The following TNFRSF10A variants were observed in gnomAD, a reference collection of about 807,000 sequenced individuals.
The protein encoded by TNFRSF10A is TNF receptor superfamily member 10a.
Under a neutral mutation model 42.8 loss-of-function variants are expected in TNFRSF10A, and 44 were observed. The observed-to-expected ratio is 1.03, with a 90% CI of 0.81 to 1.32. The LOEUF is 1.32. Ranked by LOEUF, TNFRSF10A falls within the 40% of genes most tolerant of loss-of-function variation. The probability of loss-of-function intolerance (pLI) is 0.00; values close to 1 mark genes in which losing one functional copy is unlikely to be tolerated. For synonymous variants in TNFRSF10A, 259 were observed against 234.2 expected (o/e 1.11, Z -0.97); for missense variants, 680 against 602.0 (o/e 1.13, Z -1.36).
intron 8 of TNFRSF10A, among the ~76,000 whole-genome samples, chr8:23,198,197 A>G (rs1019848950): frequency 6.6e-6 from 1 of 152,120 alleles, no homozygotes; most frequent in East Asian, 1.9e-4. Flanking sequence ...GGTTGGAAAA[A>G]CCAGACAGTG....
chr8:23,197,098 A>G, intron 9 of TNFRSF10A, 34 bp downstream of exon 9: 2 of 1,613,860 alleles, frequency 1.2e-6, no homozygotes, highest in Non-Finnish European at 1.7e-6. Context: ...TATTCCCACC[A>G]TTTCTGCTGC....
At chr8:23,220,425 T>C (rs912272890) in intron 1 of TNFRSF10A, among the ~76,000 whole-genome samples, 1 of 152,232 alleles carries the variant, frequency 6.6e-6, no homozygotes, top group East Asian at 1.9e-4. Context: ...ACACTCAGGC[T>C]ATCAAAGAGC....
intron 7 of TNFRSF10A, 108 bp from the exon 8 acceptor site, chr8:23,199,556 C>G: frequency 7.4e-7 from 1 of 1,346,936 alleles, no homozygotes; most frequent in Non-Finnish European, 1.0e-6. Context: ...TGAGGTCACT[C>G]CAGGAAGTCC....
intron 2 of TNFRSF10A, among the ~76,000 whole-genome samples, chr8:23,208,952 G>A (rs1801056163): frequency 6.6e-6 from 1 of 152,224 alleles, no homozygotes; most frequent in East Asian, 1.9e-4. Context: ...AGGTCATCAT[G>A]GCAGCCCCTC....
rs1022384580 is a variant in TNFRSF10A at position 23,190,573 on chromosome 8, T to C, written c.*1121A>G. Reference sequence around the variant, plus strand: ...AAGTCCAAATTTCCAAAGGTATATGTACTTTAATTGTGACTTGAACTCAAG... The same window carrying C: ...AAGTCCAAATTTCCAAAGGTATATGCACTTTAATTGTGACTTGAACTCAAG... On this transcript the variant is annotated 3_prime_UTR_variant, in exon 10 of 10. Coordinates refer to ENST00000221132, the MANE Select transcript of TNFRSF10A (RefSeq NM_003844.4). 2 of 152,262 alleles carry C rather than the reference T, an allele frequency of 1.3e-5. No homozygotes were observed. The highest frequency in any genetic ancestry group is 2.9e-5 in the Non-Finnish European group (2 of 68,046). The allele number at this position is 152,262 out of a possible 1,614,324, so 9.4% of individuals were successfully genotyped here.
chr8:23,195,277 A>T (rs1800807096), intron 9 of TNFRSF10A, among the ~76,000 whole-genome samples: 1 of 152,180 alleles, frequency 6.6e-6, no homozygotes, highest in East Asian at 1.9e-4. Flanking sequence ...AATAATTCGT[A>T]TGGCTTTTGT....
Position 23,224,848 on chromosome 8 carries a change from G to A in TNFRSF10A, c.214C>T (p.Arg72Cys). The A allele has an allele frequency of 1.3e-6, 2 of 1,566,676 alleles. No homozygotes were observed. The highest frequency in any genetic ancestry group is 1.7e-6 in the Non-Finnish European group (2 of 1,156,002). Residue 72 changes from arginine to cysteine, a missense_variant, in exon 1 of 10, where the codon CGC becomes TGC. Arg to Cys is a radical substitution (Grantham distance 180, BLOSUM62 -3). Coordinates refer to ENST00000221132, the MANE Select transcript of TNFRSF10A (RefSeq NM_003844.4). ...CGCGCCGGCCTGGGTCCTGGGGCGC[G>A]CCCTGCCCGGGCCCGGGCACTGGGT... Reference protein sequence around the residue: ...HGPSARARAGRAPGPRPAREA... With the variant: ...HGPSARARAGCAPGPRPAREA...
intron 9 of TNFRSF10A, 74 bp from the exon 10 acceptor site, chr8:23,192,087 A>C: frequency 6.5e-7 from 1 of 1,534,996 alleles, no homozygotes; most frequent in Middle Eastern, 2.2e-4. Context: ...ATCCCACATC[A>C]GGCCCAGAAC....
At chr8:23,198,006 T>C (rs1382179018) in intron 8 of TNFRSF10A, among the ~76,000 whole-genome samples, 1 of 152,188 alleles carries the variant, frequency 6.6e-6, no homozygotes, top group Non-Finnish European at 1.5e-5. Context: ...TTGACCTTTT[T>C]AATGTTTGCC....
chr8:23,218,607 A>G (rs1434661451), intron 1 of TNFRSF10A, among the ~76,000 whole-genome samples: 2 of 152,034 alleles, frequency 1.3e-5, no homozygotes, highest in African/African-American at 2.4e-5. Context: ...CATGTCTATC[A>G]TTCTGGAAAT....
chr8:23,212,463 G>C (rs1444746259), intron 1 of TNFRSF10A, among the ~76,000 whole-genome samples: 2 of 152,158 alleles, frequency 1.3e-5, no homozygotes, highest in Non-Finnish European at 2.9e-5. Context: ...TATAAATGGA[G>C]ACATACAGTA....
intron 9 of TNFRSF10A, among the ~76,000 whole-genome samples, chr8:23,192,290 C>T (rs903629826): frequency 6.6e-6 from 1 of 152,202 alleles, no homozygotes; most frequent in Non-Finnish European, 1.5e-5. Context: ...ATGGATTGAC[C>T]CTACGGAGGC....
At chr8:23,198,962 C>A (rs1784693006) in intron 8 of TNFRSF10A, among the ~76,000 whole-genome samples, 1 of 152,232 alleles carries the variant, frequency 6.6e-6, no homozygotes, top group Non-Finnish European at 1.5e-5. Context: ...GGCTCCCTAA[C>A]TTCTGTAGGA....
chr8:23,224,634 G>T, intron 1 of TNFRSF10A, 122 bp downstream of exon 1: 4 of 1,310,730 alleles, frequency 3.1e-6, no homozygotes, highest in Non-Finnish European at 4.1e-6. Context: ...GGCTCCTCCT[G>T]CCCGGACATG....
intron 1 of TNFRSF10A, 27 bp downstream of exon 1, chr8:23,224,729 C>G: frequency 1.3e-6 from 2 of 1,548,988 alleles, no homozygotes; most frequent in Non-Finnish European, 1.7e-6. Context: ...GCGCTTTTCC[C>G]CAGGCAGGAC....
intron 1 of TNFRSF10A, among the ~76,000 whole-genome samples, chr8:23,216,559 T>A (rs1038934282): frequency 2.0e-5 from 3 of 151,958 alleles, no homozygotes; most frequent in African/African-American, 4.8e-5. Context: ...CTGTGCAACA[T>A]GGTGAAACCC....
rs1223712397 is a variant in TNFRSF10A, at chr8:23,190,566, G to GT, written c.*1127dup. On this transcript the variant is annotated 3_prime_UTR_variant, in exon 10 of 10. Coordinates refer to ENST00000221132, the MANE Select transcript of TNFRSF10A (RefSeq NM_003844.4). ...TATACAAAAGTCCAAATTTCCAAAG[G>GT]TATATGTACTTTAATTGTGACTTGA... 1 of 152,066 alleles carries GT rather than the reference G, an allele frequency of 6.6e-6. No homozygotes were observed. Among genetic ancestry groups the GT allele is most frequent in the East Asian group, 1.9e-4 (1 of 5,196 alleles). 9.4% of individuals were successfully genotyped at this position (152,066 alleles called of 1,614,324 possible).
At position 23,207,407 on chromosome 8, in the gene TNFRSF10A, G is replaced by A; in HGVS notation, c.404-4646C>T. 1.2e-5 allele frequency: 6 copies of A among 513,180 alleles called. 1 individual carries two copies. The highest frequency in any genetic ancestry group is 7.8e-5 in the South Asian group (5 of 63,996). 31.8% of individuals were successfully genotyped at this position (513,180 alleles called of 1,614,324 possible). A position where few individuals can be genotyped will look rare whatever the true frequency, so the allele number is the denominator to read the frequency against. On this transcript the variant is annotated intron_variant, in intron 2 of 9. Transcript: ENST00000221132. Reference sequence around the variant, plus strand: ...TGGCTAATTCTAAATACATGTATATGTTTTCACCAGAAAAACAAAGTTGAG... The same window carrying A: ...TGGCTAATTCTAAATACATGTATATATTTTCACCAGAAAAACAAAGTTGAG...
At chr8:23,207,899 C>T (rs1040476711) in intron 2 of TNFRSF10A, among the ~76,000 whole-genome samples, 20 of 106,206 alleles carry the variant, frequency 1.9e-4, no homozygotes, top group East Asian at 1.7e-3. Context: ...ATCAGCAGCA[C>T]GAAAAAAAAA....
Sources: gnomAD v4.1 joint callset for allele counts (sites outside exome capture counted in the v4.1 genomes callset) on GRCh38, gnomAD v4.1.1 for gene constraint, MANE v1.5 for transcripts, NCBI Gene and HGNC (gene_info 2026-07-23, HGNC 2026-07-21) for gene names.